ZNF236: variants seen among roughly 807,000 people sequenced by gnomAD.
ZNF236 encodes the protein zinc finger protein 236, also known as regulated by glucose.
ZNF236 carries 50 observed loss-of-function variants against 191.2 expected under a neutral mutation model. The ratio of observed to expected loss-of-function variants is 0.26; its 90% CI spans 0.21 to 0.33. The LOEUF (loss-of-function observed/expected upper bound fraction) is 0.33. Ranked by LOEUF, ZNF236 falls within the 10% of genes least tolerant of loss-of-function variation. The pLI is 1.00. For missense variants in ZNF236, 1,754 were observed against 2,374.5 expected (o/e 0.74, Z 5.43); for synonymous variants, 907 against 928.8 (o/e 0.98, Z 0.43).
chr18:76,956,854 A>G (rs1968536974), intron 28 of ZNF236, among the ~76,000 whole-genome samples: 1 of 152,212 alleles, frequency 6.6e-6, no homozygotes, highest in African/African-American at 2.4e-5. Context: ...GGGGTGGAAC[A>G]CAGAGGAGCG....
intron 3 of ZNF236, among the ~76,000 whole-genome samples, chr18:76,858,516 T>A (rs1015622566): frequency 2.4e-4 from 36 of 152,258 alleles, no homozygotes; most frequent in Non-Finnish European, 4.6e-4. Context: ...AATATCCATT[T>A]TCAGAGGTCC....
At chr18:76,856,179 A>T (rs973518765) in intron 3 of ZNF236, among the ~76,000 whole-genome samples, 57 of 151,058 alleles carry the variant, frequency 3.8e-4, no homozygotes, top group African/African-American at 1.4e-3. Flanking sequence ...CACTGTGCCC[A>T]GCCCATTTTC....
chr18:76,928,121 AT>A lies in ZNF236; in HGVS notation c.4594+19del, dbSNP rs1967756210. On this transcript the variant is annotated intron_variant, in intron 25 of 30. Transcript: ENST00000320610. Reference sequence around the variant, plus strand: ...GACTATCTCCGGTTAGTAAGTTATAATTTTAAACATCTTTTCACCCTGCAAT... The same window carrying A: ...GACTATCTCCGGTTAGTAAGTTATAATTTAAACATCTTTTCACCCTGCAAT... 1 of 1,596,882 alleles carries A rather than the reference AT, an allele frequency of 6.3e-7. No individual in the cohort carries two copies. Among genetic ancestry groups the A allele is most frequent in the African/African-American group, 1.3e-5 (1 of 74,212 alleles).
chr18:76,957,150 G>GC (rs940699718), intron 28 of ZNF236, among the ~76,000 whole-genome samples: 2 of 152,124 alleles, frequency 1.3e-5, no homozygotes, highest in African/African-American at 4.8e-5. Flanking sequence ...GTGTATGTTG[G>GC]GGGGGTGGGG....
chr18:76,831,280 G>T (rs553260159), intron 1 of ZNF236, among the ~76,000 whole-genome samples: 2 of 152,210 alleles, frequency 1.3e-5, no homozygotes, highest in African/African-American at 4.8e-5. Context: ...GCCTTCCCCA[G>T]AATGTCACAT....
At chr18:76,822,936 G>T (rs1274181703) in intron 1 of ZNF236, among the ~76,000 whole-genome samples, 1 of 148,068 alleles carries the variant, frequency 6.8e-6, no homozygotes, top group African/African-American at 2.4e-5. Context: ...GGGTGAGGGA[G>T]CAGGCGGCCG....
intron 3 of ZNF236, among the ~76,000 whole-genome samples, chr18:76,864,196 CTTTTTTT>C (rs1202084465): frequency 8.3e-5 from 11 of 132,176 alleles, no homozygotes; most frequent in Non-Finnish European, 1.3e-4. Context: ...CAACAAATAT[CTTTTTTT>C]TTTTTTTTTT....
chr18:76,884,561 A>G (rs1333256873), intron 9 of ZNF236, among the ~76,000 whole-genome samples: 1 of 152,174 alleles, frequency 6.6e-6, no homozygotes, highest in African/African-American at 2.4e-5. Flanking sequence ...GTCCTTGCAT[A>G]CTTTACCTTC....
At chr18:76,897,150 A>G (rs1395568450) in intron 10 of ZNF236, among the ~76,000 whole-genome samples, 15 of 151,692 alleles carry the variant, frequency 9.9e-5, no homozygotes, top group Admixed American at 7.2e-4. Flanking sequence ...ACAGTACCAA[A>G]CATAGTACTG....
chr18:76,872,881 A>G (rs1266356367), intron 5 of ZNF236, among the ~76,000 whole-genome samples: 1 of 151,380 alleles, frequency 6.6e-6, no homozygotes, highest in African/African-American at 2.4e-5. Flanking sequence ...CTTGGCTGCT[A>G]TTGTTTGTCA....
intron 20 of ZNF236, among the ~76,000 whole-genome samples, chr18:76,921,914 G>A (rs1371848178): frequency 6.6e-6 from 1 of 151,852 alleles, no homozygotes; most frequent in Admixed American, 6.6e-5. Flanking sequence ...CTCCCAGTGA[G>A]TAAGTGTGAT....
chr18:76,906,512 G>A (rs1452748817), intron 13 of ZNF236, among the ~76,000 whole-genome samples: 2 of 152,124 alleles, frequency 1.3e-5, no homozygotes, highest in African/African-American at 2.4e-5. Flanking sequence ...AGAGCTTACC[G>A]TGCTAAGAAG....
chr18:76,937,282 C>T lies in ZNF236; in HGVS notation c.4721C>T (p.Ala1574Val). ...GACGCTAGTGTCACGCTGACGCTGG[C>T]CGATACTCAGGGTATGCTATCTGGA... The part of the protein sequence containing the change: ...GGDASVTLTL[A>V]DTQGMLSGGL... Residue 1574 changes from alanine to valine, a missense_variant, in exon 26 of 31, where the codon GCC becomes GTC. Transcript: ENST00000320610. 1 of 1,614,120 alleles carries T rather than the reference C, an allele frequency of 6.2e-7. No individual in the cohort carries two copies. The highest frequency in any genetic ancestry group is 8.5e-7 in the Non-Finnish European group (1 of 1,180,028).
At chr18:76,829,427 A>T (rs1336387839) in intron 1 of ZNF236, among the ~76,000 whole-genome samples, 1 of 151,290 alleles carries the variant, frequency 6.6e-6, no homozygotes, top group African/African-American at 2.4e-5. Flanking sequence ...TCCCGGACTC[A>T]AGCCATCCTC....
chr18:76,963,130 G>T (rs536344301), intron 30 of ZNF236, among the ~76,000 whole-genome samples: 31 of 152,320 alleles, frequency 2.0e-4, no homozygotes, highest in South Asian at 1.0e-3. Flanking sequence ...GGAGTAGTGA[G>T]AGTGGGCATC....
intron 1 of ZNF236, among the ~76,000 whole-genome samples, chr18:76,822,869 C>T (rs1974895386): frequency 6.8e-6 from 1 of 147,624 alleles, no homozygotes; most frequent in East Asian, 2.0e-4. Flanking sequence ...CCGGCCCCTC[C>T]GCGCGCTGGG....
chr18:76,882,544 T>C (rs1976928437), intron 9 of ZNF236, among the ~76,000 whole-genome samples: 1 of 152,242 alleles, frequency 6.6e-6, no homozygotes, highest in South Asian at 2.1e-4. Context: ...TTGGCAAAAC[T>C]GTTCTGTGAA....
In ZNF236 at chr18:76,908,402, G is replaced by A. The variant is rs1967116338; in HGVS notation, c.2380G>A (p.Ala794Thr). The change falls in exon 14 of 31, where the codon GCC becomes ACC. Residue 794 changes from alanine to threonine, a missense_variant. Physicochemically the swap from Ala to Thr is moderately conservative, Grantham distance 58 (BLOSUM62 0). This residue lies in a region of ZNF236 where 641 missense variants were observed against 869.6 expected (regional missense o/e 0.74). Transcript: ENST00000320610. Reference sequence around the variant, plus strand: ...CACTGTAGACCAGCAGAGCATGCAGGCCTCCACTCAAATGCAGGTGGAGAT... The same window carrying A: ...CACTGTAGACCAGCAGAGCATGCAGACCTCCACTCAAATGCAGGTGGAGAT... Reference protein sequence around the residue: ...DSTVDQQSMQASTQMQVEIES... With the variant: ...DSTVDQQSMQTSTQMQVEIES... The A allele has an allele frequency of 6.2e-7, 1 of 1,614,174 alleles. No individual in the cohort carries two copies.
intron 29 of ZNF236, 107 bp downstream of exon 29, chr18:76,959,923 AT>A (rs1477722615): frequency 1.5e-6 from 2 of 1,333,590 alleles, no homozygotes; most frequent in African/African-American, 2.9e-5. Context: ...GGAATGCTTT[AT>A]TTATAAAGCA....
Sources: gnomAD v4.1 joint callset for allele counts (sites outside exome capture counted in the v4.1 genomes callset) on GRCh38, gnomAD v4.1.1 for gene constraint, gnomAD v4.1.1 regional missense constraint, MANE v1.5 for transcripts, NCBI Gene and HGNC (gene_info 2026-07-23, HGNC 2026-07-21) for gene names.